Variants in SARM1 observed in about 807,000 individuals in gnomAD.
SARM1 encodes the protein sterile alpha and TIR motif containing 1, also known as NAD(+) hydrolase SARM1.
A neutral mutation model predicts 65.1 loss-of-function variants in SARM1; 60 were observed. The observed-to-expected ratio is 0.92, with a 90% CI of 0.75 to 1.14. SARM1 has a LOEUF of 1.14. SARM1 is among the 50% of genes most tolerant of loss of function. The pLI, the probability that SARM1 is intolerant of heterozygous loss-of-function variation, is 0.00. For synonymous variants in SARM1, 417 were observed against 465.4 expected (o/e 0.90, Z 1.34); for missense variants, 913 against 1,015.7 (o/e 0.90, Z 1.37).
chr17:28,383,512 G>A lies in SARM1; in HGVS notation c.1090-845G>A, dbSNP rs7225372. On this transcript the variant is annotated intron_variant, in intron 2 of 8. Transcript: ENST00000585482. The stretch of plus-strand genomic sequence containing the variant: ...AGGGAGGACCTGCTCTACAAGGCAG[G>A]TCATTTTGCTTAGGGAAAAGGGTCT... Among the ~76,000 whole-genome samples, 795 of 152,290 alleles carry A rather than the reference G, an allele frequency of 5.2e-3. 6 individuals are homozygous for A. Among genetic ancestry groups the A allele is most frequent in the African/African-American group, 0.018 (765 of 41,558 alleles).
At position 28,372,835 on chromosome 17, in the gene SARM1, C is replaced by T. The variant is rs2067966459; in HGVS notation, c.470+333C>T. On this transcript the variant is annotated intron_variant, in intron 1 of 8. Transcript: ENST00000585482. This position sits in a 1 kb window ranked among gnomAD's most constrained non-coding sequence, Gnocchi z 5.2. ...TTCTCCCTCTCCCCCGCCCCCCAAG[C>T]CCACAGCTCTCCTTCCCACCGGCTT... Among the ~76,000 whole-genome samples, 2 of 151,926 alleles carry T rather than the reference C, an allele frequency of 1.3e-5. No homozygotes were observed. The highest frequency in any genetic ancestry group is 4.1e-4 in the South Asian group (2 of 4,836).
rs1555585331 is a variant in SARM1, at chr17:28,381,724, T to A, written c.992T>A (p.Val331Glu). Reference protein sequence around the residue: ...GRGPDDLQRLVPLLDSNRLEA... With the variant: ...GRGPDDLQRLEPLLDSNRLEA... Reference sequence around the variant, plus strand: ...GGGCCCGACGACCTGCAGCGCCTCGTGCCGTTGCTCGACTCTAACCGCTTG... The same window carrying A: ...GGGCCCGACGACCTGCAGCGCCTCGAGCCGTTGCTCGACTCTAACCGCTTG... The change falls in exon 2 of 9, where the codon GTG becomes GAG. Residue 331 changes from valine (V) to glutamate (E), a missense_variant. Physicochemically the swap from Val to Glu is moderately radical, Grantham distance 121. Transcript: ENST00000585482. The A allele has an allele frequency of 1.4e-5, 22 of 1,553,146 alleles. No homozygotes were observed. The highest frequency in any genetic ancestry group is 2.0e-5 in the Admixed American group (1 of 50,952).
At chr17:28,382,176 C>T (rs1555585394) in intron 2 of SARM1, among the ~76,000 whole-genome samples, 1 of 151,954 alleles carries the variant, frequency 6.6e-6, no homozygotes, top group Non-Finnish European at 1.5e-5. Context: ...GGGGAGACAG[C>T]GATGCCAGTG....
intron 7 of SARM1, among the ~76,000 whole-genome samples, chr17:28,389,635 C>G (rs1211122085): frequency 6.6e-6 from 1 of 152,144 alleles, no homozygotes; most frequent in Non-Finnish European, 1.5e-5. Flanking sequence ...CCCGTAATCC[C>G]AGCACTTTGG....
In SARM1 at chr17:28,401,397, G is replaced by A. The variant is rs2068196147; in HGVS notation, c.*5111G>A. On this transcript the variant is annotated 3_prime_UTR_variant, in exon 9 of 9. Transcript: ENST00000585482. ...GCTGGGAAAAAAAGTTTAGGTGAATGAATGAAGACACATGGATTCTGGGGA... is the reference window on the plus strand; with the variant it reads ...GCTGGGAAAAAAAGTTTAGGTGAATAAATGAAGACACATGGATTCTGGGGA... The A allele has an allele frequency of 6.3e-6, 1 of 157,776 alleles. No individual in the cohort carries two copies. Among genetic ancestry groups the A allele is most frequent in the African/African-American group, 2.4e-5 (1 of 41,490 alleles). The allele number at this position is 157,776 out of a possible 1,614,324, so 9.8% of individuals were successfully genotyped here.
rs1555585668 is a variant in SARM1, at chr17:28,384,579, C to A, written c.1302+10C>A. 6.3e-7 allele frequency: 1 copy of A among 1,583,850 alleles called. No homozygotes were observed. Among genetic ancestry groups the A allele is most frequent in the Admixed American group, 1.8e-5 (1 of 55,380 alleles). On this transcript the variant is annotated intron_variant, in intron 3 of 8. Coordinates refer to ENST00000585482, the MANE Select transcript of SARM1 (RefSeq NM_015077.4). This position sits in a 1 kb window ranked among gnomAD's most constrained non-coding sequence, Gnocchi z 4.4. ...CTGCGAGAGCTTCCGGGTAGAGTCG[C>A]GTGGGATACGCCTCCCCCGAGTCAG... is the stretch of plus-strand genomic sequence containing the variant.
intron 7 of SARM1, among the ~76,000 whole-genome samples, chr17:28,391,157 G>T (rs1158459697): frequency 6.6e-6 from 1 of 152,188 alleles, no homozygotes; most frequent in Non-Finnish European, 1.5e-5. Flanking sequence ...TTGGTAGCTT[G>T]TCATCAGCCA....
Position 28,399,644 on chromosome 17 carries a change from G to A in SARM1, c.*3358G>A. On this transcript the variant is annotated 3_prime_UTR_variant, in exon 9 of 9. Transcript: ENST00000585482. The stretch of plus-strand genomic sequence containing the variant: ...TTGCTCCTCTTGCCCTCTGTCTTCT[G>A]GTCCAGGCAGATCAGGGGCTCTGGG... 6.2e-7 allele frequency: 1 copy of A among 1,613,868 alleles called. No homozygotes were observed. The highest frequency in any genetic ancestry group is 8.5e-7 in the Non-Finnish European group (1 of 1,179,798).
intron 1 of SARM1, among the ~76,000 whole-genome samples, chr17:28,380,156 C>T (rs1555585030): frequency 1.3e-5 from 2 of 150,764 alleles, no homozygotes; most frequent in African/African-American, 4.9e-5. Flanking sequence ...GAGCCTCCCA[C>T]CTTGGCCTCC....
At chr17:28,387,213 A>ATTCTTTTCTT (rs529727875) in intron 5 of SARM1, among the ~76,000 whole-genome samples, 48 of 149,284 alleles carry the variant, frequency 3.2e-4, no homozygotes, top group South Asian at 1.1e-3. Flanking sequence ...ACACTGGGCA[A>ATTCTTTTCTT]TTCTTTTCTT....
chr17:28,372,442 A>T lies in SARM1; in HGVS notation c.410A>T (p.Glu137Val). The T allele has an allele frequency of 2.0e-6, 3 of 1,530,098 alleles. No homozygotes were observed. The highest frequency in any genetic ancestry group is 2.6e-6 in the Non-Finnish European group (3 of 1,145,270). 94.8% of individuals were successfully genotyped at this position (1,530,098 alleles called of 1,614,324 possible). The change falls in exon 1 of 9, where the codon GAG becomes GTG. Residue 137 changes from glutamate to valine, a missense_variant. Transcript: ENST00000585482. This position sits in a 1 kb window ranked among gnomAD's most constrained non-coding sequence, Gnocchi z 5.2. Reference protein sequence around the residue: ...DLLLRLLQAPELETRVQAARL... With the variant: ...DLLLRLLQAPVLETRVQAARL... ...CTGTTGCGGCTGCTGCAGGCGCCGGAGTTGGAGACGCGTGTGCAGGCCGCG... is the reference window on the plus strand; with the variant it reads ...CTGTTGCGGCTGCTGCAGGCGCCGGTGTTGGAGACGCGTGTGCAGGCCGCG...
chr17:28,376,615 T>G (rs80179406), intron 1 of SARM1, among the ~76,000 whole-genome samples: 44 of 151,890 alleles, frequency 2.9e-4, no homozygotes, highest in African/African-American at 1.0e-3. Flanking sequence ...GATTAGATAA[T>G]TTCCTTCTTA....
intron 7 of SARM1, among the ~76,000 whole-genome samples, chr17:28,389,638 C>A (rs934467433): frequency 3.9e-5 from 6 of 152,140 alleles, no homozygotes; most frequent in Non-Finnish European, 7.3e-5. Flanking sequence ...GTAATCCCAG[C>A]ACTTTGGGAG....
intron 5 of SARM1, among the ~76,000 whole-genome samples, chr17:28,387,018 C>T (rs1378742544): frequency 1.3e-5 from 2 of 152,078 alleles, no homozygotes; most frequent in Non-Finnish European, 2.9e-5. Context: ...AGATTACGGG[C>T]GTGGGCCACC....
intron 1 of SARM1, among the ~76,000 whole-genome samples, chr17:28,377,332 G>A (rs1184922176): frequency 6.7e-6 from 1 of 149,304 alleles, no homozygotes; most frequent in Non-Finnish European, 1.5e-5. Flanking sequence ...GTTCATGCCT[G>A]TATTCCCAGC....
intron 2 of SARM1, among the ~76,000 whole-genome samples, chr17:28,382,626 G>A (rs929384954): frequency 6.6e-5 from 10 of 152,144 alleles, no homozygotes; most frequent in African/African-American, 2.4e-4. Flanking sequence ...CTCTATCTGG[G>A]CCTCATTTTT....
chr17:28,394,318 G>A (rs781965729), intron 7 of SARM1, among the ~76,000 whole-genome samples: 4 of 152,224 alleles, frequency 2.6e-5, no homozygotes, highest in African/African-American at 9.7e-5. Flanking sequence ...GTGGTAGTGG[G>A]GTGGAGGTAG....
At chr17:28,378,530 A>G (rs1421412383) in intron 1 of SARM1, among the ~76,000 whole-genome samples, 1 of 152,144 alleles carries the variant, frequency 6.6e-6, no homozygotes, top group Non-Finnish European at 1.5e-5. Context: ...TCTTGTGTGC[A>G]TGTATTTTTA....
Position 28,381,223 on chromosome 17 carries a change from G to A in SARM1, c.491G>A (p.Gly164Glu). Reference sequence around the variant, plus strand: ...GGCAGAGACCGCGTGGCGCGCATTGGGCTGGGCGTGATCCTGAACCTGGCG... The same window carrying A: ...GGCAGAGACCGCGTGGCGCGCATTGAGCTGGGCGTGATCCTGAACCTGGCG... ...AENRDRVARI[G>E]LGVILNLAKE... The change falls in exon 2 of 9, where the codon GGG (glycine) becomes GAG (glutamate). Residue 164 changes from glycine (G) to glutamate (E), a missense_variant. Around this residue, in one of 3 missense-constraint regions of SARM1, gnomAD observed 862 missense variants for 952.1 expected, o/e 0.91. Coordinates refer to ENST00000585482, the MANE Select transcript of SARM1 (RefSeq NM_015077.4). 6.2e-7 allele frequency: 1 copy of A among 1,609,008 alleles called. No homozygotes were observed. Among genetic ancestry groups the A allele is most frequent in the Non-Finnish European group, 8.5e-7 (1 of 1,177,674 alleles).
Sources: gnomAD v4.1 joint callset for allele counts (sites outside exome capture counted in the v4.1 genomes callset) on GRCh38, gnomAD v4.1.1 for gene constraint, gnomAD v4.1.1 regional missense constraint, Gnocchi (gnomAD v3.1) non-coding constraint, MANE v1.5 for transcripts, NCBI Gene and HGNC (gene_info 2026-07-23, HGNC 2026-07-21) for gene names.